The following MAP3K12 variants were observed in gnomAD, a reference collection of about 807,000 sequenced individuals.
MAP3K12 encodes mitogen-activated protein kinase kinase kinase 12.
In MAP3K12, 14 loss-of-function variants were observed where a neutral mutation model predicts 87.5. The ratio of observed to expected loss-of-function variants is 0.16; its 90% CI spans 0.11 to 0.25. The LOEUF (loss-of-function observed/expected upper bound fraction) is 0.25. MAP3K12 is among the 10% of genes least tolerant of loss of function. MAP3K12 has a pLI of 1.00. For missense variants in MAP3K12, 802 were observed against 1,140.4 expected, an observed-to-expected ratio of 0.70 and a Z score of 4.27; for synonymous variants, 469 against 452.5, an observed-to-expected ratio of 1.04 and a Z score of -0.46.
rs975156253 is a variant in MAP3K12, at chr12:53,486,806, A to T, written c.445+141T>A. 15 of 1,494,968 alleles carry T rather than the reference A, an allele frequency of 1.0e-5. No individual in the cohort carries two copies. Among genetic ancestry groups the T allele is most frequent in the Non-Finnish European group, 1.3e-5 (15 of 1,126,914 alleles). The allele number at this position is 1,494,968 out of a possible 1,614,324, so 92.6% of individuals were successfully genotyped here. A position where few individuals can be genotyped will look rare whatever the true frequency, so the allele number is the denominator to read the frequency against. On this transcript the variant is annotated intron_variant, in intron 2 of 13. Transcript: ENST00000547488. This position sits in a 1 kb window ranked among gnomAD's most constrained non-coding sequence, Gnocchi z 4.9. The stretch of plus-strand genomic sequence containing the variant: ...TGGGTGGCCTTAAAAGAAGCTGGGA[A>T]GTTAGAGGCTGATGGATGGCTAAGG...
rs1186732418 is a variant in MAP3K12, at chr12:53,480,086, G to C, written c.*1096C>G. On this transcript the variant is annotated 3_prime_UTR_variant, in exon 14 of 14. Transcript: ENST00000547488. ...AGGACTTACCTGTCCTAGGGGAGTA[G>C]GCAAGCACTTCCACTAGGGAGGGGG... 6.6e-6 allele frequency: 1 copy of C among 152,134 alleles called. No homozygotes were observed. Among genetic ancestry groups the C allele is most frequent in the South Asian group, 2.1e-4 (1 of 4,818 alleles). 9.4% of individuals were successfully genotyped at this position (152,134 alleles called of 1,614,324 possible).
chr12:53,481,628 G>T, intron 13 of MAP3K12: 1 of 347,958 alleles, frequency 2.9e-6, no homozygotes, highest in Non-Finnish European at 5.3e-6. Flanking sequence ...GATTCCAGGC[G>T]TGAGTCACCA....
rs953388798 is a variant in MAP3K12 at position 53,483,545 on chromosome 12, C to A, written c.1476-59G>T. On this transcript the variant is annotated intron_variant, in intron 9 of 13. Coordinates refer to ENST00000547488, the MANE Select transcript of MAP3K12 (RefSeq NM_001193511.2). ...TGACCAGGAAGGGGCACCCCAGTCT[C>A]AGTAGGACCTCTAAGGCAGGCACAG... 13 of 1,613,810 alleles carry A rather than the reference C, an allele frequency of 8.1e-6. No homozygotes were observed. In the African/African-American group the frequency reaches 1.7e-4, roughly 22 times the overall value.
Position 53,486,893 on chromosome 12 carries a change from C to T in MAP3K12, c.445+54G>A, listed in dbSNP as rs78953003. The stretch of plus-strand genomic sequence containing the variant: ...GCGTGACTTTAGCGGAGCTGACCAA[C>T]AGATCTCGGGCTCAGGGAAACAGAG... On this transcript the variant is annotated intron_variant, in intron 2 of 13. Coordinates refer to ENST00000547488, the MANE Select transcript of MAP3K12 (RefSeq NM_001193511.2). The surrounding 1 kb of genome is among the most constrained non-coding windows in gnomAD (Gnocchi z 4.9). 1.9e-3 allele frequency: 3,041 copies of T among 1,597,240 alleles called. 50 individuals carry two copies. The East Asian group carries it at 0.04, about 21-fold the overall frequency.
At chr12:53,498,738 C>A (rs1943595250) in intron 1 of MAP3K12, among the ~76,000 whole-genome samples, 3 of 151,658 alleles carry the variant, frequency 2.0e-5, no homozygotes, top group Admixed American at 2.0e-4. Flanking sequence ...GAAACCCACA[C>A]GTGAATGGGG....
At position 53,486,406 on chromosome 12, in the gene MAP3K12, T is replaced by C. The variant is rs565071034; in HGVS notation, c.629+33A>G. On this transcript the variant is annotated intron_variant, in intron 3 of 13. Coordinates refer to ENST00000547488, the MANE Select transcript of MAP3K12 (RefSeq NM_001193511.2). The surrounding 1 kb of genome is among the most constrained non-coding windows in gnomAD (Gnocchi z 4.9). Reference sequence around the variant, plus strand: ...GAGGGTACCAGGCCTTAGCATAGTATCCCCAACACCCAGCCCCTGCCCTGG... The same window carrying C: ...GAGGGTACCAGGCCTTAGCATAGTACCCCCAACACCCAGCCCCTGCCCTGG... 2.5e-4 allele frequency: 410 copies of C among 1,609,866 alleles called. 3 individuals are homozygous for C. In the South Asian group the frequency reaches 4.4e-3, roughly 17 times the overall value.
chr12:53,487,911 T>G, intron 1 of MAP3K12: 1 of 157,596 alleles, frequency 6.3e-6, no homozygotes, highest in East Asian at 1.9e-4. Flanking sequence ...CTAGACCTCC[T>G]TCACATTGAA....
upstream of MAP3K12, chr12:53,500,717 A>C (rs1943665456): frequency 6.5e-6 from 1 of 152,690 alleles, no homozygotes; most frequent in African/African-American, 2.4e-5. Flanking sequence ...CCACCCTCCC[A>C]GACCGCAAAG....
At chr12:53,494,531 T>C (rs1943497383) in intron 1 of MAP3K12, among the ~76,000 whole-genome samples, 1 of 152,194 alleles carries the variant, frequency 6.6e-6, no homozygotes, top group South Asian at 2.1e-4. Flanking sequence ...TTTGGAAGCC[T>C]GTGGCAGGTA....
Position 53,490,131 on chromosome 12 carries a change from C to T in MAP3K12, c.-37-2703G>A, listed in dbSNP as rs561025423. Among the ~76,000 whole-genome samples, 14 of 151,866 alleles carry T rather than the reference C, an allele frequency of 9.2e-5. No homozygotes were observed. The South Asian group carries it at 2.7e-3, about 29-fold the overall frequency. On this transcript the variant is annotated intron_variant, in intron 1 of 13. Coordinates refer to ENST00000547488, the MANE Select transcript of MAP3K12 (RefSeq NM_001193511.2). ...CAGACTGGCCAACATGGTGAAACCC[C>T]GTCTCTACTAAAAATCTCCAAAATT...
At chr12:53,497,718 G>C (rs145898626) in intron 1 of MAP3K12, among the ~76,000 whole-genome samples, 2 of 152,228 alleles carry the variant, frequency 1.3e-5, no homozygotes, top group African/African-American at 2.4e-5. Flanking sequence ...TGGCAGCTGG[G>C]GGTCCCAGGG....
intron 1 of MAP3K12, among the ~76,000 whole-genome samples, chr12:53,497,636 A>G (rs1943569530): frequency 6.6e-6 from 1 of 152,160 alleles, no homozygotes; most frequent in South Asian, 2.1e-4. Context: ...GCATCACCTC[A>G]GTCAACAGTG....
intron 7 of MAP3K12, 29 bp downstream of exon 7, chr12:53,484,228 A>G (rs7313459): frequency 0.033 from 51,810 of 1,567,288 alleles, 1,023 homozygotes; most frequent in Non-Finnish European, 0.04. Context: ...AAGGGGAGTT[A>G]GGTATTTATT....
chr12:53,501,192 G>A (rs900932767), upstream of MAP3K12: 6 of 584,108 alleles, frequency 1.0e-5, no homozygotes, highest in African/African-American at 1.1e-4. Context: ...AGCCTGCCCG[G>A]GCGAGCCACG....
At chr12:53,498,135 G>A (rs971272133) in intron 1 of MAP3K12, among the ~76,000 whole-genome samples, 7 of 152,158 alleles carry the variant, frequency 4.6e-5, no homozygotes, top group African/African-American at 7.2e-5. Flanking sequence ...TGAATGATAC[G>A]CTTGAGGGGA....
intron 1 of MAP3K12, among the ~76,000 whole-genome samples, chr12:53,491,561 G>A (rs1351212953): frequency 2.0e-5 from 3 of 149,922 alleles, no homozygotes; most frequent in African/African-American, 7.3e-5. Flanking sequence ...GGCCTCCCGA[G>A]TAGCTGGGAC....
chr12:53,493,400 G>C (rs1255722644), intron 1 of MAP3K12, among the ~76,000 whole-genome samples: 1 of 152,126 alleles, frequency 6.6e-6, no homozygotes, highest in African/African-American at 2.4e-5. Context: ...GTTGGCAGGA[G>C]GGGACTTGTG....
chr12:53,497,254 A>G (rs1490092037), intron 1 of MAP3K12, among the ~76,000 whole-genome samples: 1 of 152,220 alleles, frequency 6.6e-6, no homozygotes, highest in Non-Finnish European at 1.5e-5. Context: ...AGCATTAGCC[A>G]TATGGAAAGT....
At chr12:53,484,117 C>T in intron 7 of MAP3K12, 97 bp from the exon 8 acceptor site, 1 of 1,403,562 alleles carries the variant, frequency 7.1e-7, no homozygotes, top group East Asian at 2.3e-5. Context: ...TGTGCTGGAG[C>T]AAAAAGGAGT....
Sources: gnomAD v4.1 joint callset for allele counts (sites outside exome capture counted in the v4.1 genomes callset) on GRCh38, gnomAD v4.1.1 for gene constraint, Gnocchi (gnomAD v3.1) non-coding constraint, MANE v1.5 for transcripts, NCBI Gene and HGNC (gene_info 2026-07-23, HGNC 2026-07-21) for gene names.